SLIT3: variants seen among roughly 807,000 people sequenced by gnomAD.
The protein encoded by SLIT3 is slit homolog 3 protein.
A neutral mutation model predicts 184.0 loss-of-function variants in SLIT3; 68 were observed. The ratio of observed to expected loss-of-function variants is 0.37; its 90% CI spans 0.30 to 0.45. SLIT3 has a LOEUF of 0.45. Ranked by LOEUF, SLIT3 falls within the 20% of genes least tolerant of loss-of-function variation. The pLI is 1.00. For synonymous variants in SLIT3, 831 were observed against 828.6 expected (o/e 1.00, Z -0.05); for missense variants, 1,707 against 2,026.0 (o/e 0.84, Z 3.02).
intron 3 of SLIT3, among the ~76,000 whole-genome samples, chr5:169,198,876 G>C (rs1169432568): frequency 6.6e-6 from 1 of 151,922 alleles, no homozygotes; most frequent in African/African-American, 2.4e-5. Flanking sequence ...AGGTTGTGGT[G>C]AGCTGAGATC....
At chr5:169,156,999 C>T (rs1762332284) in intron 4 of SLIT3, among the ~76,000 whole-genome samples, 2 of 152,144 alleles carry the variant, frequency 1.3e-5, no homozygotes, top group Non-Finnish European at 2.9e-5. Context: ...ACAATAATCA[C>T]TTGACTCTAA....
At chr5:168,954,175 CTTGGGCAGG>C (rs1762747478) in intron 4 of SLIT3, among the ~76,000 whole-genome samples, 2 of 152,070 alleles carry the variant, frequency 1.3e-5, no homozygotes, top group Non-Finnish European at 1.5e-5. Flanking sequence ...AGTATTTGAC[CTTGGGCAGG>C]TTACTTACCC....
intron 4 of SLIT3, among the ~76,000 whole-genome samples, chr5:168,884,284 C>T (rs1472155016): frequency 6.6e-6 from 1 of 151,478 alleles, no homozygotes; most frequent in East Asian, 1.9e-4. Context: ...AGGCCTCCTT[C>T]CAGGCTGTTC....
intron 1 of SLIT3, among the ~76,000 whole-genome samples, chr5:169,257,533 C>CT (rs1157258489): frequency 0.059 from 4,751 of 80,962 alleles, 1,477 homozygotes; most frequent in Non-Finnish European, 0.075. Flanking sequence ...TCTATGCCTC[C>CT]TTTTTTTTTT....
At chr5:169,175,346 C>T (rs1370737282) in intron 4 of SLIT3, among the ~76,000 whole-genome samples, 1 of 152,156 alleles carries the variant, frequency 6.6e-6, no homozygotes, top group Non-Finnish European at 1.5e-5. Flanking sequence ...GGCTTCAAAT[C>T]TGCGGTTTCC....
rs370249268 is a variant in SLIT3 at position 169,046,944 on chromosome 5, T to G, written c.413+146535A>C. Among the ~76,000 whole-genome samples, 5 of 152,290 alleles carry G rather than the reference T, an allele frequency of 3.3e-5. No homozygotes were observed. In the East Asian group the frequency reaches 9.7e-4, roughly 29 times the overall value. On this transcript the variant is annotated intron_variant, in intron 4 of 35. Coordinates refer to ENST00000519560, the MANE Select transcript of SLIT3 (RefSeq NM_003062.4). Reference sequence around the variant, plus strand: ...AAAACACCATTTGCTTTCTATATTCTAGGCGCTTGCTACAGGGTGTCTACT... The same window carrying G: ...AAAACACCATTTGCTTTCTATATTCGAGGCGCTTGCTACAGGGTGTCTACT...
chr5:168,981,612 T>C (rs2113357343), intron 4 of SLIT3, among the ~76,000 whole-genome samples: 1 of 152,300 alleles, frequency 6.6e-6, no homozygotes, highest in East Asian at 1.9e-4. Context: ...CTGAATGGGT[T>C]ATCCAGGACT....
chr5:168,683,643 T>G (rs969965638), intron 32 of SLIT3, among the ~76,000 whole-genome samples: 2 of 152,192 alleles, frequency 1.3e-5, no homozygotes, highest in Admixed American at 1.3e-4. Flanking sequence ...GATGACATTT[T>G]GAAAAGGGCA....
chr5:168,748,541 C>T, intron 19 of SLIT3, 107 bp from the exon 20 acceptor site: 16 of 1,145,804 alleles, frequency 1.4e-5, no homozygotes, highest in Non-Finnish European at 1.8e-5. Flanking sequence ...GTCCCCTGTC[C>T]CCGCTGTGTT....
chr5:169,260,566 T>C (rs1341957243), intron 1 of SLIT3, among the ~76,000 whole-genome samples: 1 of 152,196 alleles, frequency 6.6e-6, no homozygotes. Context: ...TTCTTCTGGC[T>C]TAGAGGTGAT....
intron 4 of SLIT3, among the ~76,000 whole-genome samples, chr5:168,889,908 T>C (rs897161309): frequency 2.0e-5 from 3 of 151,734 alleles, no homozygotes; most frequent in African/African-American, 4.8e-5. Flanking sequence ...CTTTGGGAGG[T>C]TGAGGCGGGT....
chr5:168,869,912 T>A (rs1759448946), intron 5 of SLIT3, among the ~76,000 whole-genome samples: 1 of 152,234 alleles, frequency 6.6e-6, no homozygotes, highest in Non-Finnish European at 1.5e-5. Flanking sequence ...AAGGAGAATG[T>A]TAACAATGGC....
intron 8 of SLIT3, among the ~76,000 whole-genome samples, chr5:168,813,099 A>G (rs1757216239): frequency 6.6e-6 from 1 of 152,228 alleles, no homozygotes; most frequent in African/African-American, 2.4e-5. Context: ...CTCACATTTA[A>G]GGCCAAGGGC....
At chr5:168,703,797 C>A (rs1762290667) in intron 26 of SLIT3, among the ~76,000 whole-genome samples, 1 of 151,824 alleles carries the variant, frequency 6.6e-6, no homozygotes, top group Non-Finnish European at 1.5e-5. Flanking sequence ...ACTAAAAATA[C>A]AAAAATTAGC....
intron 4 of SLIT3, among the ~76,000 whole-genome samples, chr5:169,169,872 C>T (rs1762761699): frequency 6.6e-6 from 1 of 152,242 alleles, no homozygotes; most frequent in Non-Finnish European, 1.5e-5. Flanking sequence ...GGCAGAGAAA[C>T]TTCAAGTCCT....
intron 4 of SLIT3, among the ~76,000 whole-genome samples, chr5:168,948,612 G>T (rs975710264): frequency 1.3e-5 from 2 of 152,086 alleles, no homozygotes; most frequent in Non-Finnish European, 2.9e-5. Context: ...CAAGATGCAG[G>T]GCTGAGAATT....
chr5:168,869,064 G>T (rs993334936), intron 5 of SLIT3, among the ~76,000 whole-genome samples: 7 of 152,196 alleles, frequency 4.6e-5, no homozygotes, highest in African/African-American at 1.4e-4. Flanking sequence ...ACTCTGGTTG[G>T]CCTGTGGTTG....
At chr5:169,055,676 T>TAA in intron 4 of SLIT3, among the ~76,000 whole-genome samples, 1 of 152,072 alleles carries the variant, frequency 6.6e-6, no homozygotes, top group Non-Finnish European at 1.5e-5. Flanking sequence ...CCATCTCTAC[T>TAA]AAAAATACAA....
intron 8 of SLIT3, among the ~76,000 whole-genome samples, chr5:168,811,931 A>C (rs1044201880): frequency 6.6e-6 from 1 of 152,240 alleles, no homozygotes; most frequent in Non-Finnish European, 1.5e-5. Flanking sequence ...TTGCAGCATT[A>C]GTCACAGTAA....
Sources: allele counts gnomAD v4.1 joint callset (sites outside exome capture counted in the v4.1 genomes callset), GRCh38; gene constraint gnomAD v4.1.1; transcripts MANE v1.5; gene names NCBI Gene and HGNC (gene_info 2026-07-23, HGNC 2026-07-21).